Variants in ATP6V0D2 observed in about 807,000 individuals in gnomAD.
The protein encoded by ATP6V0D2 is V-type proton ATPase subunit d 2.
In ATP6V0D2, 40 loss-of-function variants were observed where a neutral mutation model predicts 40.0. The ratio of observed to expected loss-of-function variants is 1.00; its 90% CI spans 0.78 to 1.30. The LOEUF (loss-of-function observed/expected upper bound fraction) is 1.30. Among genes scored for constraint, ATP6V0D2 ranks in the 50% most tolerant of loss-of-function variants. The pLI is 0.00. For synonymous variants in ATP6V0D2, 179 were observed against 156.3 expected, an observed-to-expected ratio of 1.15 and a Z score of -1.08; for missense variants, 470 against 423.1, an observed-to-expected ratio of 1.11 and a Z score of -0.97.
intron 2 of ATP6V0D2, among the ~76,000 whole-genome samples, chr8:86,119,607 C>T (rs1818642400): frequency 6.6e-6 from 1 of 152,064 alleles, no homozygotes; most frequent in African/African-American, 2.4e-5. Context: ...CAACAAACTA[C>T]TGTGTTACAA....
At chr8:86,134,097 G>A (rs1818864572) in intron 2 of ATP6V0D2, among the ~76,000 whole-genome samples, 1 of 152,084 alleles carries the variant, frequency 6.6e-6, no homozygotes. Context: ...ACCAATAAGA[G>A]AGAAGCAATT....
At chr8:86,145,374 G>GAAGGAAAGAAAAGAAAAGA (rs1554589942) in intron 5 of ATP6V0D2, among the ~76,000 whole-genome samples, 3 of 79,244 alleles carry the variant, frequency 3.8e-5, no homozygotes, top group African/African-American at 1.5e-4. Context: ...AGGAAGGAAG[G>GAAGGAAAGAAAAGAAAAGA]AAAGAAAAGA....
At chr8:86,132,094 C>CT (rs1435509442) in intron 2 of ATP6V0D2, among the ~76,000 whole-genome samples, 2 of 152,236 alleles carry the variant, frequency 1.3e-5, no homozygotes, top group East Asian at 3.9e-4. Context: ...CACAACTGTT[C>CT]TTTTTCCACC....
intron 1 of ATP6V0D2, among the ~76,000 whole-genome samples, chr8:86,108,740 G>T (rs2130232787): frequency 6.6e-6 from 1 of 152,180 alleles, no homozygotes; most frequent in African/African-American, 2.4e-5. Context: ...AGCCAAAAAG[G>T]AATTTTCTAA....
intron 1 of ATP6V0D2, among the ~76,000 whole-genome samples, chr8:86,111,710 T>C (rs1220082251): frequency 6.6e-6 from 1 of 152,200 alleles, no homozygotes; most frequent in Non-Finnish European, 1.5e-5. Flanking sequence ...ACAGCATACC[T>C]GTACTAAGTC....
At chr8:86,104,639 G>C (rs1403525691) in intron 1 of ATP6V0D2, among the ~76,000 whole-genome samples, 1 of 151,978 alleles carries the variant, frequency 6.6e-6, no homozygotes, top group Non-Finnish European at 1.5e-5. Context: ...GGGGGTGGTG[G>C]GTAGGTGAGT....
intron 2 of ATP6V0D2, among the ~76,000 whole-genome samples, chr8:86,125,761 A>G (rs1445571811): frequency 1.3e-5 from 2 of 152,130 alleles, no homozygotes; most frequent in Non-Finnish European, 2.9e-5. Flanking sequence ...TTTAAACACA[A>G]ATATAAATAT....
intron 2 of ATP6V0D2, among the ~76,000 whole-genome samples, chr8:86,137,141 A>T (rs1225857285): frequency 6.6e-6 from 1 of 152,124 alleles, no homozygotes; most frequent in Non-Finnish European, 1.5e-5. Flanking sequence ...TTTCAGACAC[A>T]CAATGGCCAG....
intron 1 of ATP6V0D2, among the ~76,000 whole-genome samples, chr8:86,103,865 A>G (rs1413987309): frequency 6.6e-6 from 1 of 152,006 alleles, no homozygotes; most frequent in Non-Finnish European, 1.5e-5. Context: ...TCACTCTGTC[A>G]CCCTGGCTGG....
intron 1 of ATP6V0D2, among the ~76,000 whole-genome samples, chr8:86,107,344 A>T (rs539623833): frequency 4.1e-4 from 63 of 152,172 alleles, no homozygotes; most frequent in Non-Finnish European, 7.8e-4. Context: ...GAATACTTGG[A>T]GAGAAGGCTG....
chr8:86,129,653 A>G (rs1007855853), intron 2 of ATP6V0D2, among the ~76,000 whole-genome samples: 9 of 152,136 alleles, frequency 5.9e-5, no homozygotes, highest in African/African-American at 2.2e-4. Flanking sequence ...CTCTACCAAA[A>G]TTAGCTGGAT....
intron 2 of ATP6V0D2, among the ~76,000 whole-genome samples, chr8:86,118,245 A>T (rs4961085): frequency 0.15 from 4,812 of 32,398 alleles, 190 homozygotes; most frequent in African/African-American, 0.2. Context: ...ATTTTTTTTT[A>T]TTTTTTTTAG....
intron 2 of ATP6V0D2, among the ~76,000 whole-genome samples, chr8:86,126,241 T>G (rs1199324055): frequency 1.1e-5 from 1 of 91,402 alleles, no homozygotes; most frequent in Admixed American, 1.0e-4. Context: ...TCAGCCTATA[T>G]ATATATATAT....
intron 1 of ATP6V0D2, among the ~76,000 whole-genome samples, 178 bp downstream of exon 1, chr8:86,099,286 A>G (rs7836003): frequency 2.0e-5 from 3 of 151,880 alleles, no homozygotes; most frequent in Non-Finnish European, 4.4e-5. Flanking sequence ...AAAAAAAATA[A>G]ATCTCTATTT....
intron 2 of ATP6V0D2, among the ~76,000 whole-genome samples, chr8:86,133,692 C>T (rs1271161314): frequency 6.6e-6 from 1 of 151,950 alleles, no homozygotes; most frequent in Non-Finnish European, 1.5e-5. Flanking sequence ...GCAACCCCAC[C>T]CCTGTCAGCA....
At chr8:86,106,159 T>A (rs1252782213) in intron 1 of ATP6V0D2, among the ~76,000 whole-genome samples, 1 of 152,088 alleles carries the variant, frequency 6.6e-6, no homozygotes, top group Non-Finnish European at 1.5e-5. Context: ...GGTCTCATTC[T>A]GTTGCCCAAG....
At chr8:86,113,614 T>C in intron 1 of ATP6V0D2, 95 bp from the exon 2 acceptor site, 1 of 1,082,754 alleles carries the variant, frequency 9.2e-7, no homozygotes, top group Middle Eastern at 2.9e-4. Flanking sequence ...TACATATGTA[T>C]GTAACACAAA....
chr8:86,125,333 T>C (rs1212196564), intron 2 of ATP6V0D2, among the ~76,000 whole-genome samples: 1 of 152,198 alleles, frequency 6.6e-6, no homozygotes, highest in Non-Finnish European at 1.5e-5. Flanking sequence ...CCTTCCCCAG[T>C]TGTTTAGTTT....
intron 6 of ATP6V0D2, 130 bp from the exon 7 acceptor site, chr8:86,151,336 A>G (rs1037413631): frequency 1.4e-6 from 1 of 692,924 alleles, no homozygotes. Flanking sequence ...AAATCCTATA[A>G]AAAAACATTC....
Sources: gnomAD v4.1 joint callset for allele counts (sites outside exome capture counted in the v4.1 genomes callset) on GRCh38, gnomAD v4.1.1 for gene constraint, MANE v1.5 for transcripts, NCBI Gene and HGNC (gene_info 2026-07-23, HGNC 2026-07-21) for gene names.